CD6: variants seen among roughly 807,000 people sequenced by gnomAD.
CD6 encodes CD6 molecule, also known as T-cell differentiation antigen CD6.
A neutral mutation model predicts 75.3 loss-of-function variants in CD6; 53 were observed. The ratio of observed to expected loss-of-function variants is 0.70; its 90% confidence interval spans 0.56 to 0.88. The LOEUF (loss-of-function observed/expected upper bound fraction) is 0.88, where lower values mean the gene tolerates loss of function less well. Ranked by LOEUF, CD6 falls within the 40% of genes least tolerant of loss-of-function variation. The pLI, the probability that CD6 is intolerant of heterozygous loss-of-function variation, is 0.00. For synonymous variants in CD6, 359 were observed against 381.5 expected (o/e 0.94, Z 0.69); for missense variants, 770 against 897.1 (o/e 0.86, Z 1.81).
intron 1 of CD6, among the ~76,000 whole-genome samples, chr11:61,005,556 C>T (rs1858807873): frequency 6.6e-6 from 1 of 152,206 alleles, no homozygotes; most frequent in Non-Finnish European, 1.5e-5. Flanking sequence ...CTGGCAGGGA[C>T]AACTGATTTT....
At chr11:61,019,192 G>A (rs532031816) in intron 12 of CD6, 62 bp from the exon 13 acceptor site, 190 of 1,321,690 alleles carry the variant, frequency 1.4e-4, no homozygotes, top group Middle Eastern at 9.1e-4. Flanking sequence ...ACTCAGCTCC[G>A]TCCTGTGGGG....
rs970248953 is a variant in CD6, at chr11:61,020,286, G to A, written c.*968G>A. On this transcript the variant is annotated 3_prime_UTR_variant, in exon 13 of 13. Transcript: ENST00000313421. Reference sequence around the variant, plus strand: ...TGCACCCGGGGCTGCAAACGTCTCCGTGCAGCCCCCAGAGAGAGGCCCATG... The same window carrying A: ...TGCACCCGGGGCTGCAAACGTCTCCATGCAGCCCCCAGAGAGAGGCCCATG... 2.8e-5 allele frequency: 11 copies of A among 398,844 alleles called. No individual in the cohort carries two copies. The highest frequency in any genetic ancestry group is 8.8e-5 in the Admixed American group (2 of 22,706). 24.7% of individuals were successfully genotyped at this position (398,844 alleles called of 1,614,324 possible).
At chr11:61,008,005 C>T (rs1461507620) in intron 3 of CD6, 95 bp downstream of exon 3, 1 of 771,736 alleles carries the variant, frequency 1.3e-6, no homozygotes. Context: ...CAAGCCTCGC[C>T]CTCCAGACCT....
chr11:60,980,676 C>T (rs1857526986), intron 1 of CD6, among the ~76,000 whole-genome samples: 2 of 152,010 alleles, frequency 1.3e-5, no homozygotes, highest in African/African-American at 2.4e-5. Flanking sequence ...TAAAGAAATA[C>T]AAAAATTAGC....
At chr11:61,010,646 G>T (rs565235276) in intron 5 of CD6, among the ~76,000 whole-genome samples, 1 of 152,186 alleles carries the variant, frequency 6.6e-6, no homozygotes, top group Non-Finnish European at 1.5e-5. Flanking sequence ...TGGGAAACCT[G>T]ATAGTATCTG....
intron 8 of CD6, 77 bp from the exon 9 acceptor site, chr11:61,015,636 C>T (rs2074229): frequency 0.54 from 843,030 of 1,547,962 alleles, 236,968 homozygotes; most frequent in East Asian, 0.84. Flanking sequence ...TCACCTCTGC[C>T]GTTCATACTC....
chr11:60,995,125 C>CT lies in CD6; in HGVS notation c.50-11438dup, dbSNP rs11334582. Among the ~76,000 whole-genome samples, 598 of 148,718 alleles carry CT rather than the reference C, an allele frequency of 4.0e-3. 4 individuals carry two copies. The highest frequency in any genetic ancestry group is 0.013 in the African/African-American group (539 of 40,492). The stretch of plus-strand genomic sequence containing the variant: ...TACTTGTATGAGCCAGCGCATGCGT[C>CT]TTTTTTTTTTTCTTTTTCTTTCTTT... On this transcript the variant is annotated intron_variant, in intron 1 of 12. Transcript: ENST00000313421.
chr11:60,980,274 C>T lies in CD6; in HGVS notation c.49+8360C>T, dbSNP rs376908120. On this transcript the variant is annotated intron_variant, in intron 1 of 12. Transcript: ENST00000313421. ...GGTGACTCACACCTGTAATTCAGCA[C>T]GTTGGGAGGCCGAAGTCCAAGAGTT... Among the ~76,000 whole-genome samples the T allele has an allele frequency of 3.9e-4, 59 of 152,212 alleles. 1 individual carries two copies. In the South Asian group the frequency reaches 0.01, roughly 26 times the overall value.
chr11:61,015,171 A>G (rs968387704), intron 8 of CD6, among the ~76,000 whole-genome samples: 3 of 152,236 alleles, frequency 2.0e-5, no homozygotes, highest in Non-Finnish European at 4.4e-5. Context: ...AGTGCCTCAC[A>G]TATAGTAAGT....
chr11:61,009,581 C>A lies in CD6; in HGVS notation c.791C>A (p.Ser264Tyr). The change falls in exon 5 of 13, where the codon TCC becomes TAC. Residue 264 changes from serine (S) to tyrosine (Y), a missense_variant. Transcript: ENST00000313421. Reference protein sequence around the residue: ...DAGAVCSEHQSWRLTGGADRC... With the variant: ...DAGAVCSEHQYWRLTGGADRC... ...TGCCCCTTCCCTGCAGAGCACCAGT[C>A]CTGGCGCCTGACAGGGGGCGCTGAC... 6.2e-7 allele frequency: 1 copy of A among 1,604,588 alleles called. No individual in the cohort carries two copies. Among genetic ancestry groups the A allele is most frequent in the South Asian group, 1.1e-5 (1 of 90,000 alleles).
At chr11:61,010,711 C>T (rs1480808933) in intron 5 of CD6, among the ~76,000 whole-genome samples, 1 of 152,072 alleles carries the variant, frequency 6.6e-6, no homozygotes, top group South Asian at 2.1e-4. Flanking sequence ...ACGGGAATGC[C>T]GATTATGATA....
At chr11:60,974,381 G>C (rs1230263672) in intron 1 of CD6, among the ~76,000 whole-genome samples, 2 of 152,144 alleles carry the variant, frequency 1.3e-5, no homozygotes, top group African/African-American at 4.8e-5. Context: ...TGAGTAGCTG[G>C]GATGACAGGC....
At chr11:60,990,656 C>A (rs972035234) in intron 1 of CD6, among the ~76,000 whole-genome samples, 2 of 152,074 alleles carry the variant, frequency 1.3e-5, no homozygotes, top group Admixed American at 1.3e-4. Context: ...TAATTCTTAT[C>A]CTTTCCTCCC....
At chr11:60,983,617 G>A (rs1857675583) in intron 1 of CD6, among the ~76,000 whole-genome samples, 2 of 150,882 alleles carry the variant, frequency 1.3e-5, no homozygotes, top group Non-Finnish European at 2.9e-5. Context: ...ATACCCCAAC[G>A]TGTGTTTTTG....
Position 61,009,891 on chromosome 11 carries a change from C to T in CD6, c.1084+17C>T. On this transcript the variant is annotated intron_variant, in intron 5 of 12. Coordinates refer to ENST00000313421, the MANE Select transcript of CD6 (RefSeq NM_006725.5). ...TCTGCTCAGGTACCCCATCCTACTC[C>T]ACCCCCCCAGATTTGAGCCAGAATT... is the stretch of plus-strand genomic sequence containing the variant. 1 of 1,526,806 alleles carries T rather than the reference C, an allele frequency of 6.5e-7. No homozygotes were observed. The highest frequency in any genetic ancestry group is 8.8e-7 in the Non-Finnish European group (1 of 1,138,146). The allele number at this position is 1,526,806 out of a possible 1,614,324, so 94.6% of individuals were successfully genotyped here. A position where few individuals can be genotyped will look rare whatever the true frequency, so the allele number is the denominator to read the frequency against.
In CD6 at chr11:61,017,276, C is replaced by T. The variant is rs1859444775; in HGVS notation, c.1511-203C>T. 5.1e-6 allele frequency: 3 copies of T among 587,998 alleles called. No individual in the cohort carries two copies. The South Asian group carries it at 5.9e-5, about 12-fold the overall frequency. 36.4% of individuals were successfully genotyped at this position (587,998 alleles called of 1,614,324 possible). ...TTGTAGGGCACTAGAGTTTCTGTCC[C>T]CAGGCTAGATTAAGGCGAAGGCTCT... On this transcript the variant is annotated intron_variant, in intron 9 of 12. Transcript: ENST00000313421.
At chr11:61,018,153 C>G (rs954909689) in intron 11 of CD6, 136 bp from the exon 12 acceptor site, 82 of 1,293,646 alleles carry the variant, frequency 6.3e-5, no homozygotes, top group Non-Finnish European at 8.4e-5. Context: ...GGACACATCT[C>G]CCATCTCTGG....
At chr11:60,991,149 CTTTTTTTT>C (rs58123378) in intron 1 of CD6, among the ~76,000 whole-genome samples, 9 of 114,714 alleles carry the variant, frequency 7.8e-5, no homozygotes, top group Non-Finnish European at 1.4e-4. Context: ...CTTTTTCTTT[CTTTTTTTT>C]TTTTTTTTTT....
At chr11:61,005,694 G>A (rs1393678629) in intron 1 of CD6, among the ~76,000 whole-genome samples, 1 of 152,224 alleles carries the variant, frequency 6.6e-6, no homozygotes, top group Non-Finnish European at 1.5e-5. Context: ...CACTTTGGGA[G>A]GCTGAGGCAG....
Sources: gnomAD v4.1 joint callset for allele counts (sites outside exome capture counted in the v4.1 genomes callset) on GRCh38, gnomAD v4.1.1 for gene constraint, MANE v1.5 for transcripts, NCBI Gene and HGNC (gene_info 2026-07-23, HGNC 2026-07-21) for gene names.